The following MCUB variants were observed in gnomAD, a reference collection of about 807,000 sequenced individuals.
The protein encoded by MCUB is calcium uniporter regulatory subunit MCUb, mitochondrial.
MCUB carries 46 observed loss-of-function variants against 41.4 expected under a neutral mutation model. That is an observed-to-expected ratio of 1.11 (90% CI 0.88 to 1.42). The LOEUF (loss-of-function observed/expected upper bound fraction) is 1.42. Ranked by LOEUF, MCUB falls within the 40% of genes most tolerant of loss-of-function variation. The probability of loss-of-function intolerance (pLI) is 0.00; values close to 1 mark genes in which losing one functional copy is unlikely to be tolerated. For missense variants in MCUB, 403 were observed against 404.9 expected (o/e 1.00, Z 0.04); for synonymous variants, 148 against 148.2 (o/e 1.00, Z 0.01).
intron 1 of MCUB, among the ~76,000 whole-genome samples, chr4:109,637,102 A>C (rs1252062811): frequency 1.3e-5 from 2 of 152,222 alleles, no homozygotes; most frequent in Non-Finnish European, 1.5e-5. Flanking sequence ...GCATAGAGAA[A>C]GGGCAGTCAG....
intron 1 of MCUB, among the ~76,000 whole-genome samples, chr4:109,618,962 CT>C: frequency 6.9e-6 from 1 of 144,014 alleles, no homozygotes; most frequent in South Asian, 2.2e-4. Context: ...TTCTCTCTCT[CT>C]CTCTCTCTCT....
chr4:109,639,084 T>C (rs192508248), intron 1 of MCUB, among the ~76,000 whole-genome samples: 15 of 152,338 alleles, frequency 9.8e-5, no homozygotes, highest in South Asian at 4.1e-4. Context: ...ATGAATATAT[T>C]GAATGGTATC....
chr4:109,636,114 T>G (rs1728583860), intron 1 of MCUB, among the ~76,000 whole-genome samples: 1 of 152,146 alleles, frequency 6.6e-6, no homozygotes, highest in South Asian at 2.1e-4. Flanking sequence ...CTGACCCAGC[T>G]TGGAGCTGGT....
intron 1 of MCUB, among the ~76,000 whole-genome samples, chr4:109,603,317 C>T (rs1468952024): frequency 6.6e-6 from 1 of 152,198 alleles, no homozygotes; most frequent in African/African-American, 2.4e-5. Flanking sequence ...GGCTGGTCTC[C>T]GGCTCCTGAC....
chr4:109,635,236 T>C (rs1358757394), intron 1 of MCUB, among the ~76,000 whole-genome samples: 1 of 152,256 alleles, frequency 6.6e-6, no homozygotes, highest in Non-Finnish European at 1.5e-5. Context: ...AAGTCTTTGC[T>C]ATTGTGAACA....
intron 1 of MCUB, among the ~76,000 whole-genome samples, chr4:109,582,403 G>A (rs1430053215): frequency 2.0e-5 from 3 of 149,082 alleles, no homozygotes; most frequent in Admixed American, 6.7e-5. Context: ...GGGAGGGATA[G>A]CATTAGGAGA....
chr4:109,668,566 G>T (rs1222976202), intron 4 of MCUB, among the ~76,000 whole-genome samples: 1 of 151,938 alleles, frequency 6.6e-6, no homozygotes, highest in Non-Finnish European at 1.5e-5. Flanking sequence ...ATATATAGTT[G>T]GATCTGGGTT....
chr4:109,612,577 A>G (rs779340468), intron 1 of MCUB, among the ~76,000 whole-genome samples: 7 of 152,034 alleles, frequency 4.6e-5, no homozygotes, highest in Non-Finnish European at 8.8e-5. Flanking sequence ...CCTCCTCTTA[A>G]GGGCCACTAA....
At chr4:109,660,558 G>A (rs1729208525) in intron 3 of MCUB, among the ~76,000 whole-genome samples, 193 bp downstream of exon 3, 1 of 152,122 alleles carries the variant, frequency 6.6e-6, no homozygotes, top group Admixed American at 6.5e-5. Context: ...GCTCACACCT[G>A]TAATCCCAGC....
At chr4:109,566,320 A>G (rs1023619698) in intron 1 of MCUB, among the ~76,000 whole-genome samples, 6 of 151,738 alleles carry the variant, frequency 4.0e-5, no homozygotes, top group Non-Finnish European at 8.8e-5. Context: ...ATACAAAAAA[A>G]TAAGCCGGGC....
chr4:109,656,106 T>C (rs529488503), intron 1 of MCUB, among the ~76,000 whole-genome samples: 1 of 152,178 alleles, frequency 6.6e-6, no homozygotes. Flanking sequence ...TATTAAATGA[T>C]ACTTTGTAAT....
At chr4:109,561,757 G>A (rs1401812584) in intron 1 of MCUB, among the ~76,000 whole-genome samples, 1 of 152,106 alleles carries the variant, frequency 6.6e-6, no homozygotes, top group African/African-American at 2.4e-5. Flanking sequence ...GTTTTTTGTT[G>A]TTGTTTTTGG....
rs556950697 is a variant in MCUB, at chr4:109,587,374, G to A, written c.99+26938G>A. ...CTGGGTACCGTCTGTCACGGCTTCC[G>A]TTGACTAGGAAAGGGAAATCCCCTG... On this transcript the variant is annotated intron_variant, in intron 1 of 7. Transcript: ENST00000394650. 7.9e-5 allele frequency among the ~76,000 whole-genome samples: 12 copies of A among 152,308 alleles called. No homozygotes were observed. In the East Asian group the frequency reaches 1.9e-3, roughly 25 times the overall value.
At chr4:109,593,325 G>A (rs187045948) in intron 1 of MCUB, among the ~76,000 whole-genome samples, 1 of 152,206 alleles carries the variant, frequency 6.6e-6, no homozygotes, top group Admixed American at 6.5e-5. Context: ...GTCTTTGGTT[G>A]TAAAGTAACC....
chr4:109,685,431 A>G (rs1018154781), intron 7 of MCUB, 64 bp downstream of exon 7: 35 of 700,208 alleles, frequency 5.0e-5, no homozygotes, highest in Admixed American at 8.3e-5. Context: ...TCAGGGAAGT[A>G]TAACTGGTGG....
intron 1 of MCUB, among the ~76,000 whole-genome samples, chr4:109,605,421 G>A (rs1320568308): frequency 6.6e-6 from 1 of 152,154 alleles, no homozygotes; most frequent in Non-Finnish European, 1.5e-5. Context: ...TTTTCTGAAC[G>A]TTTTAAGACA....
At chr4:109,606,048 C>T (rs974715865) in intron 1 of MCUB, among the ~76,000 whole-genome samples, 3 of 152,142 alleles carry the variant, frequency 2.0e-5, no homozygotes, top group Non-Finnish European at 2.9e-5. Flanking sequence ...GATCTCTGCT[C>T]GCTGCAAGCT....
Position 109,684,424 on chromosome 4 carries a change from G to GT in MCUB, c.613-14dup. On this transcript the variant is annotated intron_variant, in intron 5 of 7. Coordinates refer to ENST00000394650, the MANE Select transcript of MCUB (RefSeq NM_017918.5). The stretch of plus-strand genomic sequence containing the variant: ...GGTGTATTTGTAAACAGAATTAACA[G>GT]TTTTTCATTCCCCCTCAGGTGAAAG... The GT allele has an allele frequency of 6.3e-7, 1 of 1,583,900 alleles. No homozygotes were observed. The highest frequency in any genetic ancestry group is 8.6e-7 in the Non-Finnish European group (1 of 1,163,996).
At chr4:109,613,584 C>T (rs1448554645) in intron 1 of MCUB, among the ~76,000 whole-genome samples, 1 of 152,170 alleles carries the variant, frequency 6.6e-6, no homozygotes, top group East Asian at 1.9e-4. Context: ...TGATAGACAA[C>T]AGAGCGAATC....
Sources: allele counts gnomAD v4.1 joint callset (sites outside exome capture counted in the v4.1 genomes callset), GRCh38; gene constraint gnomAD v4.1.1; transcripts MANE v1.5; gene names NCBI Gene and HGNC (gene_info 2026-07-23, HGNC 2026-07-21).